The following MAP3K9 variants were observed in gnomAD, a reference collection of about 807,000 sequenced individuals.
MAP3K9 encodes mixed lineage kinase 1 (tyr and ser/thr specificity).
In MAP3K9, 46 loss-of-function variants were observed where a neutral mutation model predicts 95.8. That is an observed-to-expected ratio of 0.48 (90% CI 0.38 to 0.61). The LOEUF is 0.61. Ranked by LOEUF, MAP3K9 falls within the 20% of genes least tolerant of loss-of-function variation. MAP3K9 has a pLI of 0.00. For missense variants in MAP3K9, 1,296 were observed against 1,474.3 expected (o/e 0.88, Z 1.98); for synonymous variants, 533 against 593.8 (o/e 0.90, Z 1.49).
chr14:70,770,777 A>G (rs990746893), intron 2 of MAP3K9, among the ~76,000 whole-genome samples: 7 of 152,250 alleles, frequency 4.6e-5, no homozygotes, highest in Middle Eastern at 3.4e-3. Flanking sequence ...CGTCTGGTAC[A>G]CAGTCCTAAG....
rs753566813 is a variant in MAP3K9 at position 70,760,990 on chromosome 14, C to T, written c.1001+12G>A. Reference sequence around the variant, plus strand: ...ACCTAGGAAATGCTGTCCCTGCCCCCCTGGACCTTACCTCCACACATCACT... The same window carrying T: ...ACCTAGGAAATGCTGTCCCTGCCCCTCTGGACCTTACCTCCACACATCACT... On this transcript the variant is annotated intron_variant, in intron 3 of 11. Transcript: ENST00000554752. 39 of 1,613,002 alleles carry T rather than the reference C, an allele frequency of 2.4e-5. No individual in the cohort carries two copies. Among genetic ancestry groups the T allele is most frequent in the Non-Finnish European group, 1.4e-5 (16 of 1,179,800 alleles).
rs2053770199 is a variant in MAP3K9 at position 70,722,705 on chromosome 14, CCTGGTAAG to C, written c.*7667_*7674del. On this transcript the variant is annotated 3_prime_UTR_variant, in exon 12 of 12. Coordinates refer to ENST00000554752, the MANE Select transcript of MAP3K9 (RefSeq NM_001284230.2). Reference sequence around the variant, plus strand: ...AAAAAAAAAAAGCCAAAGGAAAGAACCTGGTAAGTTTCCTTCAGGACTTTTTCATCTTT... The same window carrying C: ...AAAAAAAAAAAGCCAAAGGAAAGAACTTTCCTTCAGGACTTTTTCATCTTT... 1 of 91,772 alleles carries C rather than the reference CCTGGTAAG, an allele frequency of 1.1e-5. No individual in the cohort carries two copies. Among genetic ancestry groups the C allele is most frequent in the Non-Finnish European group, 2.3e-5 (1 of 42,664 alleles). The allele number at this position is 91,772 out of a possible 1,614,324, so 5.7% of individuals were successfully genotyped here.
intron 2 of MAP3K9, among the ~76,000 whole-genome samples, chr14:70,790,583 C>T (rs1297473005): frequency 6.6e-6 from 1 of 152,218 alleles, no homozygotes; most frequent in African/African-American, 2.4e-5. Context: ...GATATTGATT[C>T]ATAACCTTCT....
chr14:70,756,330 G>A (rs2054298463), intron 3 of MAP3K9, among the ~76,000 whole-genome samples: 1 of 152,160 alleles, frequency 6.6e-6, no homozygotes, highest in African/African-American at 2.4e-5. Flanking sequence ...TCAGGGTTAG[G>A]CTGGGAGAAG....
intron 3 of MAP3K9, among the ~76,000 whole-genome samples, chr14:70,750,723 G>GTGATCCTCCCGGCC (rs1253716088): frequency 2.4e-4 from 37 of 152,280 alleles, no homozygotes; most frequent in African/African-American, 8.7e-4. Context: ...CTGACCTCCT[G>GTGATCCTCCCGGCC]TGATCCTCCC....
At position 70,809,397 on chromosome 14, in the gene MAP3K9, C is replaced by A. The variant is rs2055041975; in HGVS notation, c.-226G>T. On this transcript the variant is annotated 5_prime_UTR_variant, in exon 1 of 12. Transcript: ENST00000554752. ...TCGCGCAGCCTAGGGGCGCAGCGGG[C>A]CGAGTCCCCGCCTGCCCGCTCGCCC... 3 of 442,290 alleles carry A rather than the reference C, an allele frequency of 6.8e-6. No homozygotes were observed. The highest frequency in any genetic ancestry group is 4.6e-5 in the Admixed American group (1 of 21,718). 27.4% of individuals were successfully genotyped at this position (442,290 alleles called of 1,614,324 possible). A position where few individuals can be genotyped will look rare whatever the true frequency, so the allele number is the denominator to read the frequency against.
chr14:70,800,660 T>C lies in MAP3K9; in HGVS notation c.820+7A>G. 1 of 1,611,044 alleles carries C rather than the reference T, an allele frequency of 6.2e-7. No homozygotes were observed. The highest frequency in any genetic ancestry group is 8.5e-7 in the Non-Finnish European group (1 of 1,178,510). On this transcript the variant is annotated splice_region_variant and intron_variant, in intron 2 of 11. Coordinates refer to ENST00000554752, the MANE Select transcript of MAP3K9 (RefSeq NM_001284230.2). ...GAGCCCCTCCAGCCCCATCTCTTCA[T>C]ACTCACTGTTGCTGGACTTAAGGTC... is the stretch of plus-strand genomic sequence containing the variant.
chr14:70,774,884 C>A lies in MAP3K9; in HGVS notation c.821-13702G>T, dbSNP rs1199996178. Among the ~76,000 whole-genome samples, 3 of 141,468 alleles carry A rather than the reference C, an allele frequency of 2.1e-5. 1 individual carries two copies. The highest frequency in any genetic ancestry group is 7.9e-5 in the African/African-American group (3 of 37,840). 92.8% of individuals were successfully genotyped at this position (141,468 alleles called of 152,430 possible). On this transcript the variant is annotated intron_variant, in intron 2 of 11. Transcript: ENST00000554752. ...TCTGTAGTCCCAGCTACTTGGGAAGCTGGGGAAGAGAATCACTTGAATCTG... is the reference window on the plus strand; with the variant it reads ...TCTGTAGTCCCAGCTACTTGGGAAGATGGGGAAGAGAATCACTTGAATCTG...
At chr14:70,783,279 C>T (rs1594803470) in intron 2 of MAP3K9, 4 of 938,218 alleles carry the variant, frequency 4.3e-6, no homozygotes, top group South Asian at 4.8e-5. Context: ...GGAAGGAAGA[C>T]GGCATCCTAA....
At chr14:70,734,915 C>G (rs2053963408) in intron 9 of MAP3K9, among the ~76,000 whole-genome samples, 1 of 152,274 alleles carries the variant, frequency 6.6e-6, no homozygotes, top group Non-Finnish European at 1.5e-5. Flanking sequence ...CAGGCAAGCA[C>G]CGGGCAGCCG....
In MAP3K9 at chr14:70,729,657, A is replaced by G. The variant is rs961256061; in HGVS notation, c.*723T>C. ...TCCAAAAAGAACAAGGACATACTTCATGAACCTCTTCATTGCAACTTTACT... is the reference window on the plus strand; with the variant it reads ...TCCAAAAAGAACAAGGACATACTTCGTGAACCTCTTCATTGCAACTTTACT... On this transcript the variant is annotated 3_prime_UTR_variant, in exon 12 of 12. Transcript: ENST00000554752. 1 of 152,280 alleles carries G rather than the reference A, an allele frequency of 6.6e-6. No homozygotes were observed. The highest frequency in any genetic ancestry group is 2.4e-5 in the African/African-American group (1 of 41,460). 9.4% of individuals were successfully genotyped at this position (152,280 alleles called of 1,614,324 possible). A position where few individuals can be genotyped will look rare whatever the true frequency, so the allele number is the denominator to read the frequency against.
At chr14:70,791,589 GGGGCACT>G (rs1289606856) in intron 2 of MAP3K9, among the ~76,000 whole-genome samples, 6 of 152,198 alleles carry the variant, frequency 3.9e-5, no homozygotes, top group Non-Finnish European at 8.8e-5. Flanking sequence ...CACACTGTAC[GGGGCACT>G]GGGCCTGCTG....
In MAP3K9 at chr14:70,732,553, G is replaced by C; in HGVS notation, c.2816C>G (p.Pro939Arg). 1 of 1,583,082 alleles carries C rather than the reference G, an allele frequency of 6.3e-7. No individual in the cohort carries two copies. The highest frequency in any genetic ancestry group is 1.4e-5 in the African/African-American group (1 of 73,838). Residue 939 changes from proline to arginine, a missense_variant, in exon 11 of 12, where the codon CCC becomes CGC. Coordinates refer to ENST00000554752, the MANE Select transcript of MAP3K9 (RefSeq NM_001284230.2). Reference protein sequence around the residue: ...SRSPSSNGLSPSPGAGMLKTP... With the variant: ...SRSPSSNGLSRSPGAGMLKTP... ...AGAAGACTCACCTGCTCCAGGACTGGGGCTCAACCCATTGCTGGAGGGGCT... is the reference window on the plus strand; with the variant it reads ...AGAAGACTCACCTGCTCCAGGACTGCGGCTCAACCCATTGCTGGAGGGGCT...
At chr14:70,775,245 T>G (rs61212719) in intron 2 of MAP3K9, among the ~76,000 whole-genome samples, 6,570 of 152,164 alleles carry the variant, frequency 0.043, 305 homozygotes, top group African/African-American at 0.12. Context: ...ACATCCACAT[T>G]ACCTCATGCA....
In MAP3K9 at chr14:70,738,125, T is replaced by G. The variant is rs1025266875; in HGVS notation, c.1844+120A>C. The G allele has an allele frequency of 8.1e-6, 9 of 1,116,280 alleles. No individual in the cohort carries two copies. The African/African-American group carries it at 1.3e-4, about 16-fold the overall frequency. The allele number at this position is 1,116,280 out of a possible 1,614,324, so 69.1% of individuals were successfully genotyped here. On this transcript the variant is annotated intron_variant, in intron 8 of 11. Transcript: ENST00000554752. The stretch of plus-strand genomic sequence containing the variant: ...AAAACTGTTGTAAAGATCAAGAAGC[T>G]TGTAATTTCTCAGAAAGCAATCAAA...
At chr14:70,775,198 A>G (rs1342117670) in intron 2 of MAP3K9, among the ~76,000 whole-genome samples, 1 of 151,842 alleles carries the variant, frequency 6.6e-6, no homozygotes, top group Non-Finnish European at 1.5e-5. Context: ...ATTTTTTTGC[A>G]TACCTACTAT....
At chr14:70,790,673 G>A (rs781382872) in intron 2 of MAP3K9, among the ~76,000 whole-genome samples, 2 of 152,154 alleles carry the variant, frequency 1.3e-5, no homozygotes, top group South Asian at 2.1e-4. Flanking sequence ...ACCATTTTGC[G>A]TGGTTCCCTG....
intron 2 of MAP3K9, among the ~76,000 whole-genome samples, chr14:70,770,885 C>T (rs2054522716): frequency 6.6e-6 from 1 of 152,212 alleles, no homozygotes; most frequent in Non-Finnish European, 1.5e-5. Context: ...GTGTACTCTC[C>T]AGTAGTTCCT....
intron 11 of MAP3K9, 105 bp from the exon 12 acceptor site, chr14:70,730,969 G>C: frequency 8.0e-7 from 1 of 1,254,944 alleles, no homozygotes; most frequent in Non-Finnish European, 1.1e-6. Context: ...GCAATCAGGA[G>C]AACATGAATC....
Sources: gnomAD v4.1 joint callset for allele counts (sites outside exome capture counted in the v4.1 genomes callset) on GRCh38, gnomAD v4.1.1 for gene constraint, MANE v1.5 for transcripts, NCBI Gene and HGNC (gene_info 2026-07-23, HGNC 2026-07-21) for gene names.